FMNL3: variants seen among roughly 807,000 people sequenced by gnomAD.
The protein encoded by FMNL3 is formin like 3, also known as formin-like protein 3.
In FMNL3, 57 loss-of-function variants were observed where a neutral mutation model predicts 119.6. That is an observed-to-expected ratio of 0.48 (90% CI 0.39 to 0.59). The LOEUF (loss-of-function observed/expected upper bound fraction) is 0.59, where lower values mean the gene tolerates loss of function less well. Among genes scored for constraint, FMNL3 ranks in the 20% least tolerant of loss-of-function variants. FMNL3 has a pLI of 0.00. For missense variants in FMNL3, 1,053 were observed against 1,323.5 expected (o/e 0.80, Z 3.17); for synonymous variants, 491 against 507.3 (o/e 0.97, Z 0.43).
chr12:49,707,355 G>A lies in FMNL3; in HGVS notation c.-175C>T, dbSNP rs1053348574. 1 of 503,018 alleles carries A rather than the reference G, an allele frequency of 2.0e-6. No individual in the cohort carries two copies. The allele number at this position is 503,018 out of a possible 1,614,324, so 31.2% of individuals were successfully genotyped here. On this transcript the variant is annotated 5_prime_UTR_variant, in exon 1 of 26. Transcript: ENST00000335154. ...TCCCGCTGGCGGGGGCGCGCGGCGA[G>A]GGCGGAGGCAGCGTAGCGGACAGCC... is the stretch of plus-strand genomic sequence containing the variant.
rs147771934 is a variant in FMNL3 at position 49,651,406 on chromosome 12, C to T, written c.1648G>A (p.Val550Met). Residue 550 changes from valine to methionine, a missense_variant, in exon 15 of 26, where the codon GTG becomes ATG. This residue lies in a region of FMNL3 where 445 missense variants were observed against 628.4 expected (regional missense o/e 0.71). Transcript: ENST00000335154. ...APPLPGAAPS[V>M]VLTVGLSAIR... ...CCTGACAGGCCCACTGTCAACACCA[C>T]AGAGGGTGCAGCACCAGGGAGAGGT... 12,299 of 1,548,644 alleles carry T rather than the reference C, an allele frequency of 7.9e-3. 230 individuals carry two copies. The highest frequency in any genetic ancestry group is 6.6e-3 in the Non-Finnish European group (7,507 of 1,141,290).
At chr12:49,661,829 T>A in intron 5 of FMNL3, 137 bp downstream of exon 5, 1 of 817,132 alleles carries the variant, frequency 1.2e-6, no homozygotes, top group Non-Finnish European at 2.1e-6. Context: ...TCCACACCAC[T>A]GCTTGGGCTA....
intron 5 of FMNL3, 23 bp from the exon 6 acceptor site, chr12:49,658,617 T>G: frequency 1.3e-6 from 2 of 1,585,204 alleles, no homozygotes; most frequent in African/African-American, 2.7e-5. Flanking sequence ...AGGACACACA[T>G]GCGCATACAC....
Position 49,707,055 on chromosome 12 carries a change from C to G in FMNL3, c.126G>C (p.Leu42=). The G allele has an allele frequency of 1.3e-6, 2 of 1,579,720 alleles. No individual in the cohort carries two copies. Among genetic ancestry groups the G allele is most frequent in the Non-Finnish European group, 1.7e-6 (2 of 1,163,748 alleles). The change falls in exon 1 of 26, where the codon CTG becomes CTC. Residue 42 remains leucine (L), a splice_region_variant and synonymous_variant. Coordinates refer to ENST00000335154, the MANE Select transcript of FMNL3 (RefSeq NM_175736.5). Reference sequence around the variant, plus strand: ...GGAAGGGGCTGGGCTCAGCTCTCACCAGCACCAGGGCGAACCTTTCCTCCA... The same window carrying G: ...GGAAGGGGCTGGGCTCAGCTCTCACGAGCACCAGGGCGAACCTTTCCTCCA... ...CELEERFALV[L]SSMNLPPDKA... is the part of the protein sequence containing the mutation.
chr12:49,695,535 T>G (rs757327617), intron 1 of FMNL3, among the ~76,000 whole-genome samples: 1 of 152,152 alleles, frequency 6.6e-6, no homozygotes, highest in Non-Finnish European at 1.5e-5. Flanking sequence ...AAATACTGCC[T>G]CATAGAGTTG....
rs1054997531 is a variant in FMNL3, at chr12:49,640,424, T to C, written c.*5391A>G. 1 of 152,302 alleles carries C rather than the reference T, an allele frequency of 6.6e-6. No homozygotes were observed. Among genetic ancestry groups the C allele is most frequent in the Non-Finnish European group, 1.5e-5 (1 of 68,054 alleles). 9.4% of individuals were successfully genotyped at this position (152,302 alleles called of 1,614,324 possible). On this transcript the variant is annotated 3_prime_UTR_variant, in exon 26 of 26. Transcript: ENST00000335154. ...AGAGAATAAAAGGTCAGAGAGGGTG[T>C]GACCTGGAGAGGGGAGTGTTGAAGA...
chr12:49,636,802 C>T lies in FMNL3; in HGVS notation c.*9013G>A, dbSNP rs753684139. On this transcript the variant is annotated 3_prime_UTR_variant, in exon 26 of 26. Coordinates refer to ENST00000335154, the MANE Select transcript of FMNL3 (RefSeq NM_175736.5). Reference sequence around the variant, plus strand: ...AGAGGAGGAGGAACGGGAGCGGGCCCGGCTTCGGGAGCGACGCCAACAACG... The same window carrying T: ...AGAGGAGGAGGAACGGGAGCGGGCCTGGCTTCGGGAGCGACGCCAACAACG... 9.3e-6 allele frequency: 15 copies of T among 1,614,078 alleles called. No homozygotes were observed. Among genetic ancestry groups the T allele is most frequent in the Admixed American group, 5.0e-5 (3 of 60,000 alleles).
rs767850976 is a variant in FMNL3, at chr12:49,646,881, C to T, written c.2995+5G>A. On this transcript the variant is annotated splice_donor_5th_base_variant and intron_variant, in intron 25 of 25. Coordinates refer to ENST00000335154, the MANE Select transcript of FMNL3 (RefSeq NM_175736.5). ...CCAGGCCCCAGGGAGTGAAAAGGGC[C>T]CCACCTGTGATGATGTCCTCGATGG... is the stretch of plus-strand genomic sequence containing the variant. 3 of 1,613,788 alleles carry T rather than the reference C, an allele frequency of 1.9e-6. No individual in the cohort carries two copies. The highest frequency in any genetic ancestry group is 1.1e-5 in the South Asian group (1 of 91,062).
At chr12:49,684,615 G>A (rs781286509) in intron 1 of FMNL3, among the ~76,000 whole-genome samples, 7 of 152,256 alleles carry the variant, frequency 4.6e-5, no homozygotes, top group Middle Eastern at 6.8e-3. Flanking sequence ...ACGCCACCGC[G>A]ACCTGTTGCC....
chr12:49,707,031 G>C (rs1321237682), intron 1 of FMNL3, 24 bp downstream of exon 1: 18 of 1,562,062 alleles, frequency 1.2e-5, no homozygotes, highest in Non-Finnish European at 1.5e-5. Flanking sequence ...GTACGCGGGG[G>C]AAGGGGCTGG....
At chr12:49,666,020 C>T (rs1943881462) in intron 3 of FMNL3, 107 bp downstream of exon 3, 2 of 1,537,444 alleles carry the variant, frequency 1.3e-6, no homozygotes, top group East Asian at 2.2e-5. Context: ...AATCCAACTC[C>T]CAATGCTCAG....
chr12:49,668,296 AGCTC>A (rs1943946303), intron 2 of FMNL3, among the ~76,000 whole-genome samples, 171 bp downstream of exon 2: 1 of 152,244 alleles, frequency 6.6e-6, no homozygotes, highest in African/African-American at 2.4e-5. Context: ...TTGGCCTGCC[AGCTC>A]TGTCTCTGTT....
At chr12:49,686,053 C>A (rs888635576) in intron 1 of FMNL3, among the ~76,000 whole-genome samples, 1 of 151,982 alleles carries the variant, frequency 6.6e-6, no homozygotes, top group Non-Finnish European at 1.5e-5. Context: ...GGCGACAGAG[C>A]GAGACTCGGT....
rs779342099 is a variant in FMNL3, at chr12:49,707,217, C to T, written c.-37G>A. 1 of 1,467,430 alleles carries T rather than the reference C, an allele frequency of 6.8e-7. No homozygotes were observed. The highest frequency in any genetic ancestry group is 2.6e-5 in the Admixed American group (1 of 37,842). 90.9% of individuals were successfully genotyped at this position (1,467,430 alleles called of 1,614,324 possible). On this transcript the variant is annotated 5_prime_UTR_variant, in exon 1 of 26. Coordinates refer to ENST00000335154, the MANE Select transcript of FMNL3 (RefSeq NM_175736.5). Reference sequence around the variant, plus strand: ...CCCCTCAGGGGCCTCGGCCCCCCACCTCCACGCTCCGGAGCTTTCGGCTCC... The same window carrying T: ...CCCCTCAGGGGCCTCGGCCCCCCACTTCCACGCTCCGGAGCTTTCGGCTCC...
Position 49,654,893 on chromosome 12 carries a change from C to T in FMNL3, c.960+17G>A, listed in dbSNP as rs200859963. 5.6e-4 allele frequency: 902 copies of T among 1,612,942 alleles called. 1 individual carries two copies. The highest frequency in any genetic ancestry group is 5.5e-4 in the Non-Finnish European group (643 of 1,179,296). On this transcript the variant is annotated intron_variant, in intron 10 of 25. Transcript: ENST00000335154. ...AGCCCTGGTGGGTATGTGCTGGACCCAGGCCCAGTTCCTCACCATGAAGTC... is the reference window on the plus strand; with the variant it reads ...AGCCCTGGTGGGTATGTGCTGGACCTAGGCCCAGTTCCTCACCATGAAGTC...
Position 49,672,294 on chromosome 12 carries a change from G to C in FMNL3, c.127-3740C>G, listed in dbSNP as rs530967725. Among the ~76,000 whole-genome samples the C allele has an allele frequency of 3.9e-5, 6 of 152,240 alleles. No individual in the cohort carries two copies. The East Asian group carries it at 9.6e-4, about 24-fold the overall frequency. On this transcript the variant is annotated intron_variant, in intron 1 of 25. Coordinates refer to ENST00000335154, the MANE Select transcript of FMNL3 (RefSeq NM_175736.5). Reference sequence around the variant, plus strand: ...TTTTGGTATCATTATCTTGAGGGGTGGGGGACATGGCAGGAGACTCCAAGG... The same window carrying C: ...TTTTGGTATCATTATCTTGAGGGGTCGGGGACATGGCAGGAGACTCCAAGG...
intron 1 of FMNL3, among the ~76,000 whole-genome samples, chr12:49,670,974 C>G (rs148390436): frequency 2.9e-3 from 437 of 152,346 alleles, no homozygotes; most frequent in Non-Finnish European, 5.2e-3. Flanking sequence ...ATATCCTAAA[C>G]ACATCGCTGC....
At chr12:49,682,348 G>A (rs1490006578) in intron 1 of FMNL3, among the ~76,000 whole-genome samples, 1 of 152,126 alleles carries the variant, frequency 6.6e-6, no homozygotes, top group Non-Finnish European at 1.5e-5. Context: ...GGGATTACAG[G>A]CGTGAGCCAC....
In FMNL3 at chr12:49,648,185, G is replaced by T. The variant is rs201156677; in HGVS notation, c.2676+8C>A. 1.2e-6 allele frequency: 2 copies of T among 1,610,486 alleles called. No homozygotes were observed. Among genetic ancestry groups the T allele is most frequent in the South Asian group, 2.2e-5 (2 of 90,720 alleles). On this transcript the variant is annotated splice_region_variant and intron_variant, in intron 22 of 25. Transcript: ENST00000335154. ...TGGTTGCTCCCACCGCCTGCACCCC[G>T]TGCTTGCCTCAGCCGTCTTGGCGTC...
Sources: allele counts gnomAD v4.1 joint callset (sites outside exome capture counted in the v4.1 genomes callset), GRCh38; gene constraint gnomAD v4.1.1; regional missense constraint gnomAD v4.1.1; transcripts MANE v1.5; gene names NCBI Gene and HGNC (gene_info 2026-07-23, HGNC 2026-07-21).